Variants in NKAIN3 observed in about 807,000 individuals in gnomAD.
The protein encoded by NKAIN3 is sodium/potassium-transporting ATPase subunit beta-1-interacting protein 3.
A neutral mutation model predicts 30.2 loss-of-function variants in NKAIN3; 25 were observed. The observed-to-expected ratio is 0.83, with a 90% CI of 0.60 to 1.16. NKAIN3 has a LOEUF of 1.16. Ranked by LOEUF, NKAIN3 falls within the 50% of genes most tolerant of loss-of-function variation. The probability of loss-of-function intolerance (pLI) is 0.00; values close to 1 mark genes in which losing one functional copy is unlikely to be tolerated. For missense variants in NKAIN3, 225 were observed against 254.1 expected, an observed-to-expected ratio of 0.89 and a Z score of 0.78; for synonymous variants, 91 against 89.6, an observed-to-expected ratio of 1.02 and a Z score of -0.09.
chr8:62,291,131 T>C (rs968836984), intron 1 of NKAIN3, among the ~76,000 whole-genome samples: 3 of 152,202 alleles, frequency 2.0e-5, no homozygotes, highest in African/African-American at 7.2e-5. Flanking sequence ...TTCTCTCTTT[T>C]CTTCTTTATT....
At chr8:62,724,973 G>GT in intron 3 of NKAIN3, among the ~76,000 whole-genome samples, 1 of 151,984 alleles carries the variant, frequency 6.6e-6, no homozygotes, top group Admixed American at 6.6e-5. Context: ...CTCCACAGTG[G>GT]TTGTGATAAT....
chr8:62,878,483 C>T (rs1820866952), intron 4 of NKAIN3, among the ~76,000 whole-genome samples: 1 of 151,948 alleles, frequency 6.6e-6, no homozygotes, highest in Non-Finnish European at 1.5e-5. Flanking sequence ...GAGAGATTTA[C>T]TGTTGTTGTG....
At chr8:62,856,000 C>T in intron 4 of NKAIN3, 2 of 690,944 alleles carry the variant, frequency 2.9e-6, no homozygotes, top group East Asian at 2.5e-5. Context: ...AGCAACTCCT[C>T]AGGGCACATG....
chr8:62,799,766 T>C (rs1817993402), intron 4 of NKAIN3, among the ~76,000 whole-genome samples: 1 of 152,184 alleles, frequency 6.6e-6, no homozygotes, highest in African/African-American at 2.4e-5. Flanking sequence ...AGCAACACAT[T>C]TGTAATTGCA....
At chr8:62,425,388 A>G (rs1413807394) in intron 1 of NKAIN3, among the ~76,000 whole-genome samples, 1 of 151,938 alleles carries the variant, frequency 6.6e-6, no homozygotes, top group Non-Finnish European at 1.5e-5. Flanking sequence ...TGGAGTAAAC[A>G]AGATACATTA....
chr8:62,386,298 T>C (rs1221029899), intron 1 of NKAIN3, among the ~76,000 whole-genome samples: 1 of 152,208 alleles, frequency 6.6e-6, no homozygotes, highest in Admixed American at 6.5e-5. Context: ...AACACTCACC[T>C]CTTAGGATTG....
chr8:62,281,993 TC>T (rs896695256), intron 1 of NKAIN3, among the ~76,000 whole-genome samples: 52 of 95,364 alleles, frequency 5.5e-4, no homozygotes, highest in Middle Eastern at 5.5e-3. Flanking sequence ...CCTCAAGTTA[TC>T]TTTTTTTTTT....
intron 1 of NKAIN3, among the ~76,000 whole-genome samples, chr8:62,477,105 G>A (rs1806544426): frequency 6.6e-6 from 1 of 152,190 alleles, no homozygotes; most frequent in Non-Finnish European, 1.5e-5. Flanking sequence ...AAATGTTCCT[G>A]CAGAGAGATG....
At chr8:62,506,348 C>A (rs1000102880) in intron 1 of NKAIN3, among the ~76,000 whole-genome samples, 2 of 151,984 alleles carry the variant, frequency 1.3e-5, no homozygotes, top group Admixed American at 6.6e-5. Flanking sequence ...TAATTCTACA[C>A]CCCTCCCGTA....
chr8:62,486,604 C>T (rs967343277), intron 1 of NKAIN3, among the ~76,000 whole-genome samples: 1 of 152,168 alleles, frequency 6.6e-6, no homozygotes, highest in Non-Finnish European at 1.5e-5. Context: ...ACTTGGTATC[C>T]TTGACCTAAG....
chr8:62,628,397 AT>A (rs1811853261), intron 3 of NKAIN3, among the ~76,000 whole-genome samples: 1 of 152,110 alleles, frequency 6.6e-6, no homozygotes, highest in Non-Finnish European at 1.5e-5. Flanking sequence ...TGCACAGCGA[AT>A]TTTGCACATT....
At chr8:62,574,863 A>T (rs1263299646) in intron 1 of NKAIN3, among the ~76,000 whole-genome samples, 1 of 152,086 alleles carries the variant, frequency 6.6e-6, no homozygotes, top group East Asian at 1.9e-4. Flanking sequence ...AAGTAACTCA[A>T]AAACCATATG....
At chr8:62,431,052 G>A (rs1804980514) in intron 1 of NKAIN3, among the ~76,000 whole-genome samples, 1 of 151,750 alleles carries the variant, frequency 6.6e-6, no homozygotes. Flanking sequence ...GAGAGGGAGA[G>A]AAAGCACTTA....
intron 1 of NKAIN3, among the ~76,000 whole-genome samples, chr8:62,312,383 T>C (rs1175751914): frequency 6.6e-6 from 1 of 150,640 alleles, no homozygotes; most frequent in African/African-American, 2.5e-5. Context: ...ATGAGCACTG[T>C]CAATTCTGGC....
At chr8:62,365,112 A>G (rs1362940967) in intron 1 of NKAIN3, among the ~76,000 whole-genome samples, 1 of 152,166 alleles carries the variant, frequency 6.6e-6, no homozygotes, top group Non-Finnish European at 1.5e-5. Context: ...ATGCCTTCTT[A>G]TTACAACTTA....
At chr8:62,254,299 G>C (rs1416253903) in intron 1 of NKAIN3, among the ~76,000 whole-genome samples, 1 of 151,834 alleles carries the variant, frequency 6.6e-6, no homozygotes, top group Non-Finnish European at 1.5e-5. Context: ...CATGAGTGTG[G>C]AACCTAGAGG....
intron 3 of NKAIN3, among the ~76,000 whole-genome samples, chr8:62,676,119 G>A (rs78095313): frequency 1.3e-5 from 2 of 152,192 alleles, no homozygotes; most frequent in African/African-American, 4.8e-5. Context: ...TTATGAGGTA[G>A]CTAGGTAACA....
At chr8:62,879,359 G>T (rs534457390) in intron 4 of NKAIN3, among the ~76,000 whole-genome samples, 37 of 152,198 alleles carry the variant, frequency 2.4e-4, no homozygotes, top group South Asian at 2.1e-3. Context: ...TGATGGGGCT[G>T]TTTGTTTTTT....
Position 62,820,569 on chromosome 8 carries a change from G to GGCTA in NKAIN3, c.471+73444_471+73447dup, listed in dbSNP as rs569804991. Reference sequence around the variant, plus strand: ...CAACCAGGCAGAGCTCATGGCTGGAGGCTAGCTGTCCTTTGCTGAAGCAAA... The same window carrying GGCTA: ...CAACCAGGCAGAGCTCATGGCTGGAGGCTAGCTAGCTGTCCTTTGCTGAAGCAAA... On this transcript the variant is annotated intron_variant, in intron 4 of 6. Coordinates refer to ENST00000623646, the MANE Select transcript of NKAIN3 (RefSeq NM_001304533.3). Among the ~76,000 whole-genome samples the GGCTA allele has an allele frequency of 2.6e-3, 402 of 152,252 alleles. 1 individual carries two copies. The highest frequency in any genetic ancestry group is 4.4e-3 in the Non-Finnish European group (300 of 68,014).
Sources: gnomAD v4.1 joint callset for allele counts (sites outside exome capture counted in the v4.1 genomes callset) on GRCh38, gnomAD v4.1.1 for gene constraint, MANE v1.5 for transcripts, NCBI Gene and HGNC (gene_info 2026-07-23, HGNC 2026-07-21) for gene names.